Variants in PLXDC2 observed in about 807,000 individuals in gnomAD.
The protein encoded by PLXDC2 is plexin domain containing 2, also known as plexin domain-containing protein 2.
PLXDC2 carries 40 observed loss-of-function variants against 68.9 expected under a neutral mutation model. The ratio of observed to expected loss-of-function variants is 0.58; its 90% CI spans 0.45 to 0.76. The LOEUF (loss-of-function observed/expected upper bound fraction) is 0.76. PLXDC2 is among the 30% of genes least tolerant of loss of function. The pLI, the probability that PLXDC2 is intolerant of heterozygous loss-of-function variation, is 0.00. For missense variants in PLXDC2, 644 were observed against 661.9 expected (o/e 0.97, Z 0.30); for synonymous variants, 243 against 234.2 (o/e 1.04, Z -0.34).
chr10:19,968,825 C>T (rs1235799114), intron 1 of PLXDC2, among the ~76,000 whole-genome samples: 1 of 152,178 alleles, frequency 6.6e-6, no homozygotes, highest in Non-Finnish European at 1.5e-5. Flanking sequence ...TAAGTACCAA[C>T]ATCATTGCAA....
chr10:20,008,910 T>G (rs904679866), intron 2 of PLXDC2, among the ~76,000 whole-genome samples: 1 of 152,240 alleles, frequency 6.6e-6, no homozygotes, highest in African/African-American at 2.4e-5. Context: ...GCCGTGATTG[T>G]CAGGCCTCTC....
chr10:20,257,155 T>TCA (rs1372562614), intron 13 of PLXDC2, among the ~76,000 whole-genome samples: 15 of 152,204 alleles, frequency 9.9e-5, no homozygotes, highest in African/African-American at 3.6e-4. Flanking sequence ...TCACAGGTAC[T>TCA]CAGAGATGCA....
At chr10:20,067,052 G>T (rs1464457750) in intron 3 of PLXDC2, among the ~76,000 whole-genome samples, 1 of 151,784 alleles carries the variant, frequency 6.6e-6, no homozygotes, top group Non-Finnish European at 1.5e-5. Context: ...CTTGTTTCTT[G>T]CCTGATAATA....
chr10:19,956,659 A>T (rs988222171), intron 1 of PLXDC2, among the ~76,000 whole-genome samples: 2 of 152,240 alleles, frequency 1.3e-5, no homozygotes, highest in Non-Finnish European at 2.9e-5. Flanking sequence ...AAAAGGAGAG[A>T]TGGAATAAAA....
chr10:20,126,458 C>T lies in PLXDC2; in HGVS notation c.542-16837C>T, dbSNP rs192827957. Among the ~76,000 whole-genome samples the T allele has an allele frequency of 8.9e-3, 148 of 16,694 alleles. 31 individuals carry two copies. Among genetic ancestry groups the T allele is most frequent in the South Asian group, 0.042 (39 of 918 alleles). 11.0% of individuals were successfully genotyped at this position (16,694 alleles called of 152,430 possible). ...ACAACACACGTTATATATGTATATA[C>T]AACACACGTTATATATGTATATATA... On this transcript the variant is annotated intron_variant, in intron 4 of 13. Transcript: ENST00000377252.
At chr10:19,958,708 G>C (rs1834109289) in intron 1 of PLXDC2, among the ~76,000 whole-genome samples, 4 of 152,064 alleles carry the variant, frequency 2.6e-5, no homozygotes, top group Non-Finnish European at 5.9e-5. Flanking sequence ...TCTGGGGAAG[G>C]GATTTTGTTT....
chr10:20,093,958 C>T (rs149591224), intron 4 of PLXDC2, among the ~76,000 whole-genome samples: 256 of 152,304 alleles, frequency 1.7e-3, no homozygotes, highest in African/African-American at 5.8e-3. Flanking sequence ...CAGGCATGAG[C>T]CACCATGCCT....
At chr10:19,878,619 A>G (rs1009973949) in intron 1 of PLXDC2, among the ~76,000 whole-genome samples, 2 of 152,212 alleles carry the variant, frequency 1.3e-5, no homozygotes, top group Non-Finnish European at 2.9e-5. Context: ...GGATTATTTA[A>G]TCCATCAATA....
intron 1 of PLXDC2, among the ~76,000 whole-genome samples, chr10:19,820,640 C>A (rs74729436): frequency 6.4e-3 from 810 of 126,714 alleles, no homozygotes; most frequent in African/African-American, 8.3e-3. Context: ...GACTCCGTCT[C>A]AAAAAAAAAA....
intron 6 of PLXDC2, among the ~76,000 whole-genome samples, chr10:20,156,930 G>GT (rs1343302313): frequency 6.6e-6 from 1 of 152,136 alleles, no homozygotes; most frequent in East Asian, 1.9e-4. Flanking sequence ...GTGTTTGTTT[G>GT]TTTTGTAGAG....
chr10:20,215,477 CTCTTCT>C, intron 10 of PLXDC2, among the ~76,000 whole-genome samples: 1 of 151,876 alleles, frequency 6.6e-6, no homozygotes, highest in Non-Finnish European at 1.5e-5. Flanking sequence ...GAGGCAGTCC[CTCTTCT>C]GGGACTGCCT....
chr10:20,012,109 G>A (rs568186559), intron 2 of PLXDC2, among the ~76,000 whole-genome samples: 2 of 152,084 alleles, frequency 1.3e-5, no homozygotes, highest in East Asian at 3.9e-4. Context: ...ACATCGATAG[G>A]CCATTACAAA....
At chr10:20,075,274 G>T (rs139172788) in intron 4 of PLXDC2, among the ~76,000 whole-genome samples, 1 of 152,172 alleles carries the variant, frequency 6.6e-6, no homozygotes, top group East Asian at 1.9e-4. Flanking sequence ...CTGCAGCCTT[G>T]ACCTCCTAGG....
intron 1 of PLXDC2, among the ~76,000 whole-genome samples, chr10:19,850,331 T>C (rs1351218084): frequency 6.6e-6 from 1 of 151,962 alleles, no homozygotes; most frequent in East Asian, 1.9e-4. Flanking sequence ...AAATTAAATA[T>C]GTATTTTCCC....
intron 4 of PLXDC2, among the ~76,000 whole-genome samples, chr10:20,085,440 A>G (rs1833178758): frequency 6.6e-6 from 1 of 152,166 alleles, no homozygotes; most frequent in African/African-American, 2.4e-5. Context: ...CCTGGTTAGA[A>G]GGTGAGGGAA....
At chr10:19,890,538 C>T (rs1435112192) in intron 1 of PLXDC2, among the ~76,000 whole-genome samples, 5 of 129,820 alleles carry the variant, frequency 3.9e-5, no homozygotes, top group Admixed American at 3.2e-4. Flanking sequence ...TTTTCTGAGA[C>T]GGGGTTTTTT....
chr10:20,049,033 G>C (rs1194174460), intron 3 of PLXDC2, among the ~76,000 whole-genome samples: 3 of 152,000 alleles, frequency 2.0e-5, no homozygotes, highest in Non-Finnish European at 4.4e-5. Flanking sequence ...ATTGTTAGAG[G>C]TTTTTATTTT....
chr10:20,082,520 A>T (rs1204161479), intron 4 of PLXDC2, among the ~76,000 whole-genome samples: 1 of 152,226 alleles, frequency 6.6e-6, no homozygotes, highest in South Asian at 2.1e-4. Flanking sequence ...AGTTAAAACT[A>T]TAGAGATGCT....
chr10:20,240,699 C>T, intron 12 of PLXDC2, among the ~76,000 whole-genome samples: 1 of 104,412 alleles, frequency 9.6e-6, no homozygotes, highest in African/African-American at 3.8e-5. Flanking sequence ...ATTGTAGAAT[C>T]ATTGCAGTAG....
Sources: gnomAD v4.1 joint callset for allele counts (sites outside exome capture counted in the v4.1 genomes callset) on GRCh38, gnomAD v4.1.1 for gene constraint, MANE v1.5 for transcripts, NCBI Gene and HGNC (gene_info 2026-07-23, HGNC 2026-07-21) for gene names.